NEURL1: variants seen among roughly 807,000 people sequenced by gnomAD.
NEURL1 encodes neuralized E3 ubiquitin protein ligase 1.
In NEURL1, 26 loss-of-function variants were observed where a neutral mutation model predicts 41.2. The ratio of observed to expected loss-of-function variants is 0.63; its 90% CI spans 0.46 to 0.87. The LOEUF is 0.87. Among genes scored for constraint, NEURL1 ranks in the 40% least tolerant of loss-of-function variants. The pLI, the probability that NEURL1 is intolerant of heterozygous loss-of-function variation, is 0.00. For missense variants in NEURL1, 761 were observed against 871.1 expected (o/e 0.87, Z 1.59); for synonymous variants, 400 against 402.3 (o/e 0.99, Z 0.07).
intron 3 of NEURL1, among the ~76,000 whole-genome samples, chr10:103,581,736 A>G (rs545265567): frequency 6.6e-6 from 1 of 152,228 alleles, no homozygotes; most frequent in African/African-American, 2.4e-5. Flanking sequence ...TGGTTGGTGC[A>G]CATCTAGAGT....
At chr10:103,521,942 G>A (rs2034358185) in intron 1 of NEURL1, among the ~76,000 whole-genome samples, 1 of 151,140 alleles carries the variant, frequency 6.6e-6, no homozygotes, top group Non-Finnish European at 1.5e-5. Context: ...AGTCAGTGAA[G>A]AGATAGGGTT....
intron 1 of NEURL1, among the ~76,000 whole-genome samples, chr10:103,534,172 CTA>C (rs2034642161): frequency 8.3e-6 from 1 of 119,994 alleles, no homozygotes; most frequent in Non-Finnish European, 1.7e-5. Context: ...ATCAGATTGT[CTA>C]TCTGTATTTT....
chr10:103,510,586 G>T (rs1041852634), intron 1 of NEURL1, among the ~76,000 whole-genome samples: 4 of 152,182 alleles, frequency 2.6e-5, no homozygotes, highest in Non-Finnish European at 5.9e-5. Flanking sequence ...AGTGGGCAAA[G>T]ACATGTGGCA....
rs181666235 is a variant in NEURL1, at chr10:103,568,946, C to G, written c.86-1926C>G. 8.7e-4 allele frequency among the ~76,000 whole-genome samples: 132 copies of G among 152,296 alleles called. 1 individual carries two copies. The highest frequency in any genetic ancestry group is 3.1e-3 in the African/African-American group (127 of 41,548). The stretch of plus-strand genomic sequence containing the variant: ...TCTCCTGCCTCAGCCTCCCGAGTAG[C>G]TGGGACTACAGGTGCCTGCCACCAC... On this transcript the variant is annotated intron_variant, in intron 1 of 5. Coordinates refer to ENST00000369780, the MANE Select transcript of NEURL1 (RefSeq NM_004210.5).
intron 3 of NEURL1, among the ~76,000 whole-genome samples, chr10:103,582,250 G>C (rs1322516188): frequency 6.6e-6 from 1 of 152,136 alleles, no homozygotes; most frequent in Non-Finnish European, 1.5e-5. Context: ...TGGAATCCCA[G>C]AGGGGTGAGG....
intron 1 of NEURL1, among the ~76,000 whole-genome samples, chr10:103,557,448 T>A (rs146820411): frequency 1.3e-5 from 2 of 152,094 alleles, no homozygotes; most frequent in Non-Finnish European, 2.9e-5. Flanking sequence ...ACTCTAGGAA[T>A]TGGGCATCCA....
At chr10:103,586,767 G>A (rs755386311) in intron 4 of NEURL1, among the ~76,000 whole-genome samples, 1 of 152,194 alleles carries the variant, frequency 6.6e-6, no homozygotes, top group Non-Finnish European at 1.5e-5. Context: ...GAAATGAAAA[G>A]CCTGGGTGCG....
intron 1 of NEURL1, among the ~76,000 whole-genome samples, chr10:103,522,543 G>A (rs1204929005): frequency 1.3e-5 from 2 of 150,154 alleles, no homozygotes; most frequent in African/African-American, 2.5e-5. Flanking sequence ...TGGAGGTTGC[G>A]GTGAGCCAAG....
chr10:103,570,882 G>A lies in NEURL1; in HGVS notation c.96G>A (p.Gly32=). The A allele has an allele frequency of 6.2e-7, 1 of 1,613,216 alleles. No homozygotes were observed. The highest frequency in any genetic ancestry group is 8.5e-7 in the Non-Finnish European group (1 of 1,179,622). The change falls in exon 2 of 6, where the codon GGG becomes GGA. Residue 32 remains glycine (G), a synonymous_variant. Transcript: ENST00000369780. ...CCTGTTCCTTTGCAGACTCTATCGG[G>A]GGCCCCTTCCCCGTCACTTCTCACC... ...GHPQNLKDSI[G]GPFPVTSHRC... is the part of the protein sequence containing the mutation.
rs2035552096 is a variant in NEURL1, at chr10:103,571,727, C to T, written c.554C>T (p.Ser185Leu). ...CGTGTCTTCCACCGCATCAACGACTCGGCTGTTATGCTGTTCTTCAGCGGG... is the reference window on the plus strand; with the variant it reads ...CGTGTCTTCCACCGCATCAACGACTTGGCTGTTATGCTGTTCTTCAGCGGG... Reference protein sequence around the residue: ...KGRVFHRINDSAVMLFFSGVR... With the variant: ...KGRVFHRINDLAVMLFFSGVR... Residue 185 changes from serine to leucine, a missense_variant, in exon 3 of 6, where the codon TCG (serine) becomes TTG (leucine). Physicochemically the swap from Ser to Leu is moderately radical, Grantham distance 145. This residue lies in a region of NEURL1 where 114 missense variants were observed against 144.8 expected (regional missense o/e 0.79). Transcript: ENST00000369780. The T allele has an allele frequency of 3.7e-6, 6 of 1,614,198 alleles. No individual in the cohort carries two copies. Among genetic ancestry groups the T allele is most frequent in the South Asian group, 2.2e-5 (2 of 91,082 alleles).
At chr10:103,584,163 C>T (rs2035844806) in intron 3 of NEURL1, among the ~76,000 whole-genome samples, 1 of 152,092 alleles carries the variant, frequency 6.6e-6, no homozygotes, top group Non-Finnish European at 1.5e-5. Context: ...GAATGCTTGG[C>T]GCTGTTCTAG....
intron 1 of NEURL1, among the ~76,000 whole-genome samples, chr10:103,564,133 G>A (rs918115324): frequency 5.9e-5 from 9 of 152,212 alleles, no homozygotes; most frequent in African/African-American, 1.9e-4. Context: ...GTGTCAAGGC[G>A]TCTGCCCTGG....
intron 1 of NEURL1, among the ~76,000 whole-genome samples, chr10:103,498,727 C>T (rs562490945): frequency 1.5e-4 from 23 of 152,312 alleles, no homozygotes; most frequent in South Asian, 1.5e-3. Flanking sequence ...CTGGAAACCA[C>T]GAATCTACTC....
At chr10:103,553,552 T>C (rs1191477108) in intron 1 of NEURL1, among the ~76,000 whole-genome samples, 1 of 152,092 alleles carries the variant, frequency 6.6e-6, no homozygotes, top group Non-Finnish European at 1.5e-5. Context: ...CTGGGCTTGC[T>C]CTCCCCCAGA....
chr10:103,588,036 G>A (rs58205800), intron 4 of NEURL1, among the ~76,000 whole-genome samples: 6,227 of 152,082 alleles, frequency 0.041, 439 homozygotes, highest in African/African-American at 0.14. Flanking sequence ...TGGGCGCGGC[G>A]GCTCACACCT....
intron 3 of NEURL1, among the ~76,000 whole-genome samples, chr10:103,580,837 C>T (rs545202409): frequency 6.6e-6 from 1 of 152,226 alleles, no homozygotes; most frequent in African/African-American, 2.4e-5. Flanking sequence ...AAGGGATCCT[C>T]TTCCTACCCC....
At chr10:103,541,602 G>A (rs1389831179) in intron 1 of NEURL1, among the ~76,000 whole-genome samples, 1 of 152,184 alleles carries the variant, frequency 6.6e-6, no homozygotes, top group African/African-American at 2.4e-5. Context: ...CAAACATGGG[G>A]ATGGACTTCA....
chr10:103,551,297 ATTTTTTTTT>A (rs528332099), intron 1 of NEURL1, among the ~76,000 whole-genome samples: 72 of 118,720 alleles, frequency 6.1e-4, no homozygotes, highest in South Asian at 1.0e-3. Context: ...GGTCAAATGA[ATTTTTTTTT>A]TTTTTTTTTT....
At chr10:103,568,665 C>T (rs1442468870) in intron 1 of NEURL1, among the ~76,000 whole-genome samples, 1 of 152,126 alleles carries the variant, frequency 6.6e-6, no homozygotes, top group Non-Finnish European at 1.5e-5. Context: ...AACACACAGA[C>T]CACTGAAAAC....
Sources: gnomAD v4.1 joint callset for allele counts (sites outside exome capture counted in the v4.1 genomes callset) on GRCh38, gnomAD v4.1.1 for gene constraint, gnomAD v4.1.1 regional missense constraint, MANE v1.5 for transcripts, NCBI Gene and HGNC (gene_info 2026-07-23, HGNC 2026-07-21) for gene names.